Variants in POLB observed in about 807,000 individuals in gnomAD.
The protein encoded by POLB is 5'-dRP lyase.
POLB carries 37 observed loss-of-function variants against 52.7 expected under a neutral mutation model. The observed-to-expected ratio is 0.70, with a 90% CI of 0.54 to 0.92. POLB has a LOEUF of 0.92. Ranked by LOEUF, POLB falls within the 40% of genes least tolerant of loss-of-function variation. The pLI, the probability that POLB is intolerant of heterozygous loss-of-function variation, is 0.00. For missense variants in POLB, 313 were observed against 400.8 expected, an observed-to-expected ratio of 0.78 and a Z score of 1.87; for synonymous variants, 138 against 131.3, an observed-to-expected ratio of 1.05 and a Z score of -0.35.
At chr8:42,351,977 A>G (rs985349505) in intron 5 of POLB, among the ~76,000 whole-genome samples, 9 of 152,070 alleles carry the variant, frequency 5.9e-5, no homozygotes, top group African/African-American at 2.2e-4. Context: ...CTTTTCCCGA[A>G]ACGTTTTTCT....
chr8:42,358,103 TC>T (rs1823440726), intron 9 of POLB, among the ~76,000 whole-genome samples: 1 of 152,208 alleles, frequency 6.6e-6, no homozygotes, highest in Admixed American at 6.5e-5. Flanking sequence ...ACAACCGGGT[TC>T]ATCAGAAGAG....
chr8:42,366,751 G>A (rs1471161922), intron 11 of POLB, among the ~76,000 whole-genome samples: 1 of 152,048 alleles, frequency 6.6e-6, no homozygotes, highest in Non-Finnish European at 1.5e-5. Context: ...TTGGGAAGGT[G>A]GATTTACTTC....
At chr8:42,343,470 T>C (rs1474595351) in intron 2 of POLB, among the ~76,000 whole-genome samples, 2 of 145,706 alleles carry the variant, frequency 1.4e-5, no homozygotes, top group East Asian at 4.1e-4. Context: ...GAGGCTACAG[T>C]GAGTCAAGAT....
intron 1 of POLB, 22 bp from the exon 2 acceptor site, chr8:42,338,990 C>G (rs752763993): frequency 2.4e-5 from 39 of 1,607,576 alleles, no homozygotes; most frequent in Non-Finnish European, 3.1e-5. Flanking sequence ...CTTGTTCACC[C>G]GAGCCTTCTG....
intron 13 of POLB, among the ~76,000 whole-genome samples, chr8:42,370,880 G>A (rs746838084): frequency 2.0e-5 from 3 of 152,188 alleles, no homozygotes; most frequent in Non-Finnish European, 2.9e-5. Context: ...GAGCTGGGCC[G>A]CATGCAGCTG....
chr8:42,370,436 C>T (rs762617636), intron 13 of POLB, among the ~76,000 whole-genome samples: 1 of 152,022 alleles, frequency 6.6e-6, no homozygotes, highest in Non-Finnish European at 1.5e-5. Context: ...TTAATGGGTT[C>T]TGTTAACATT....
At chr8:42,368,941 G>A (rs1465226052) in intron 11 of POLB, 2 of 177,640 alleles carry the variant, frequency 1.1e-5, no homozygotes, top group East Asian at 1.4e-4. Context: ...CATAATCATC[G>A]TTTCTTCCAC....
intron 2 of POLB, chr8:42,339,605 G>A (rs1013840720): frequency 8.5e-5 from 13 of 152,236 alleles, no homozygotes; most frequent in African/African-American, 3.1e-4. Flanking sequence ...GTCTCGCTGT[G>A]GTATGATCAT....
chr8:42,350,828 G>C (rs1218344168), intron 5 of POLB, among the ~76,000 whole-genome samples: 2 of 151,548 alleles, frequency 1.3e-5, no homozygotes, highest in East Asian at 3.9e-4. Flanking sequence ...GACTGCTTGG[G>C]GACTCAAGGC....
chr8:42,358,470 C>T (rs1376308681), intron 9 of POLB, among the ~76,000 whole-genome samples: 4 of 151,976 alleles, frequency 2.6e-5, no homozygotes, highest in Non-Finnish European at 5.9e-5. Context: ...CCGCTGCACT[C>T]CAGCCTGGGC....
intron 9 of POLB, 158 bp from the exon 10 acceptor site, chr8:42,361,137 A>C: frequency 2.8e-6 from 2 of 703,712 alleles, no homozygotes; most frequent in South Asian, 3.0e-5. Context: ...GTTGGACAGA[A>C]AATTGAAATC....
chr8:42,361,314 C>T lies in POLB; in HGVS notation c.570C>T (p.Asp190=). ...SFRRGAESSG[D]MDVLLTHPSF... Reference sequence around the variant, plus strand: ...TCACAGGTGCAGAGTCCAGTGGTGACATGGATGTTCTCCTGACCCATCCCA... The same window carrying T: ...TCACAGGTGCAGAGTCCAGTGGTGATATGGATGTTCTCCTGACCCATCCCA... The change falls in exon 10 of 14, where the codon GAC becomes GAT. Residue 190 remains aspartate (D), a synonymous_variant. Transcript: ENST00000265421. The T allele has an allele frequency of 1.9e-6, 3 of 1,612,122 alleles. No individual in the cohort carries two copies. The highest frequency in any genetic ancestry group is 2.5e-6 in the Non-Finnish European group (3 of 1,178,176).
At chr8:42,370,273 T>G (rs912728734) in intron 13 of POLB, 145 of 476,214 alleles carry the variant, frequency 3.0e-4, no homozygotes, top group African/African-American at 1.9e-3. Context: ...TTTTTTTTTT[T>G]TTTTTTTTTT....
At chr8:42,362,929 A>T (rs1051477411) in intron 11 of POLB, among the ~76,000 whole-genome samples, 3 of 151,866 alleles carry the variant, frequency 2.0e-5, no homozygotes, top group Non-Finnish European at 4.4e-5. Flanking sequence ...GCTCAAGACC[A>T]TGCTGACCAA....
rs751632639 is a variant in POLB, at chr8:42,361,304, C to A, written c.560C>A (p.Ser187Tyr). The change falls in exon 10 of 14, where the codon TCC becomes TAC. Residue 187 changes from serine (S) to tyrosine (Y), a missense_variant. Physicochemically the swap from Ser to Tyr is moderately radical, Grantham distance 144 (BLOSUM62 -2). Transcript: ENST00000265421. ...TCTTCTGTCATCACAGGTGCAGAGT[C>A]CAGTGGTGACATGGATGTTCTCCTG... ...VCGSFRRGAE[S>Y]SGDMDVLLTH... The A allele has an allele frequency of 1.2e-6, 2 of 1,611,396 alleles. No individual in the cohort carries two copies. Among genetic ancestry groups the A allele is most frequent in the South Asian group, 2.2e-5 (2 of 90,998 alleles).
At chr8:42,343,150 G>A (rs1030119842) in intron 2 of POLB, among the ~76,000 whole-genome samples, 24 of 151,218 alleles carry the variant, frequency 1.6e-4, no homozygotes, top group Non-Finnish European at 3.5e-4. Flanking sequence ...GTGAAACCCC[G>A]TCTTTACTAA....
At position 42,371,563 on chromosome 8, in the gene POLB, G is replaced by A; in HGVS notation, c.914G>A (p.Gly305Glu). The change falls in exon 14 of 14, where the codon GGA (glycine) becomes GAA (glutamate). Residue 305 changes from glycine (G) to glutamate (E), a missense_variant and splice_region_variant. Physicochemically the swap from Gly to Glu is moderately conservative, Grantham distance 98 (BLOSUM62 -2). Transcript: ENST00000265421. ...EYTIRPLGVT[G>E]VAGEPLPVDS... ...TAAGTTTTTCTCTCTGTACTTGCAG[G>A]AGTTGCAGGAGAACCCCTGCCAGTG... 1 of 1,583,884 alleles carries A rather than the reference G, an allele frequency of 6.3e-7. No homozygotes were observed. The highest frequency in any genetic ancestry group is 8.7e-7 in the Non-Finnish European group (1 of 1,153,110).
At chr8:42,370,990 G>A (rs1252562132) in intron 13 of POLB, among the ~76,000 whole-genome samples, 1 of 152,144 alleles carries the variant, frequency 6.6e-6, no homozygotes, top group Admixed American at 6.5e-5. Flanking sequence ...ATACATAGTG[G>A]CTCCAGCAGA....
At chr8:42,360,234 C>T (rs999585059) in intron 9 of POLB, among the ~76,000 whole-genome samples, 1 of 151,582 alleles carries the variant, frequency 6.6e-6, no homozygotes, top group East Asian at 1.9e-4. Flanking sequence ...TAGGATTACA[C>T]GTGTGAGCCA....
Sources: allele counts gnomAD v4.1 joint callset (sites outside exome capture counted in the v4.1 genomes callset), GRCh38; gene constraint gnomAD v4.1.1; transcripts MANE v1.5; gene names NCBI Gene and HGNC (gene_info 2026-07-23, HGNC 2026-07-21).